The following RBMS3 variants were observed in gnomAD, a reference collection of about 807,000 sequenced individuals.
The protein encoded by RBMS3 is RNA binding motif single stranded interacting protein 3.
In RBMS3, 27 loss-of-function variants were observed where a neutral mutation model predicts 66.8. The observed-to-expected ratio is 0.40, with a 90% CI of 0.30 to 0.56. RBMS3 has a LOEUF of 0.56. RBMS3 is among the 20% of genes least tolerant of loss of function. The pLI, the probability that RBMS3 is intolerant of heterozygous loss-of-function variation, is 0.40. For synonymous variants in RBMS3, 188 were observed against 183.0 expected (o/e 1.03, Z -0.22); for missense variants, 513 against 549.5 (o/e 0.93, Z 0.66).
chr3:29,869,619 A>G (rs1176542355), intron 7 of RBMS3, among the ~76,000 whole-genome samples: 2 of 152,160 alleles, frequency 1.3e-5, no homozygotes, highest in African/African-American at 4.8e-5. Context: ...ACAAACTGGT[A>G]AAAAAGCCAG....
intron 12 of RBMS3, among the ~76,000 whole-genome samples, chr3:29,986,175 A>G (rs1252136396): frequency 6.6e-6 from 1 of 152,142 alleles, no homozygotes; most frequent in Non-Finnish European, 1.5e-5. Context: ...ACCAAAGGGC[A>G]GAACATGAGC....
chr3:29,437,603 T>C (rs2041448504), intron 2 of RBMS3, among the ~76,000 whole-genome samples: 1 of 152,196 alleles, frequency 6.6e-6, no homozygotes, highest in South Asian at 2.1e-4. Flanking sequence ...TGGGATTTAT[T>C]GCTTAGATTA....
At chr3:29,428,272 C>T (rs2041040202) in intron 1 of RBMS3, among the ~76,000 whole-genome samples, 1 of 151,738 alleles carries the variant, frequency 6.6e-6, no homozygotes, top group Admixed American at 6.6e-5. Context: ...GTTGTCACAA[C>T]TTTGGGAGAG....
At chr3:29,559,748 T>A (rs574863773) in intron 3 of RBMS3, among the ~76,000 whole-genome samples, 3 of 152,200 alleles carry the variant, frequency 2.0e-5, no homozygotes, top group African/African-American at 7.2e-5. Flanking sequence ...AATGAATGAA[T>A]GAATGAAATC....
chr3:29,912,226 T>G (rs1455612964), intron 10 of RBMS3, among the ~76,000 whole-genome samples: 1 of 152,104 alleles, frequency 6.6e-6, no homozygotes, highest in Non-Finnish European at 1.5e-5. Context: ...TCCCGTTCTA[T>G]TTTGTTCTAA....
chr3:29,808,389 C>T (rs932927183), intron 6 of RBMS3, among the ~76,000 whole-genome samples: 4 of 151,954 alleles, frequency 2.6e-5, no homozygotes, highest in African/African-American at 9.7e-5. Flanking sequence ...TTGTGAACCA[C>T]ACAATGGAAT....
intron 1 of RBMS3, among the ~76,000 whole-genome samples, chr3:29,299,218 CAT>C (rs2033499986): frequency 6.6e-6 from 1 of 151,770 alleles, no homozygotes; most frequent in Admixed American, 6.6e-5. Flanking sequence ...AAAGTAGAAA[CAT>C]AATACAGGCA....
chr3:29,953,044 A>AC (rs1267713906), intron 12 of RBMS3, among the ~76,000 whole-genome samples: 1 of 151,938 alleles, frequency 6.6e-6, no homozygotes, highest in African/African-American at 2.4e-5. Flanking sequence ...GCTTGCTGAA[A>AC]CAAGGGAAAA....
chr3:29,381,555 T>C (rs1009274007), intron 1 of RBMS3, among the ~76,000 whole-genome samples: 2 of 152,196 alleles, frequency 1.3e-5, no homozygotes, highest in Non-Finnish European at 2.9e-5. Context: ...AATGGCACAA[T>C]TATCCTCAAG....
intron 10 of RBMS3, among the ~76,000 whole-genome samples, chr3:29,902,870 T>C (rs1168616465): frequency 6.6e-6 from 1 of 151,912 alleles, no homozygotes; most frequent in Non-Finnish European, 1.5e-5. Flanking sequence ...TGTCTCAATC[T>C]GGTTTGTATC....
chr3:29,857,233 G>A (rs1013782928), intron 6 of RBMS3, among the ~76,000 whole-genome samples: 1 of 152,202 alleles, frequency 6.6e-6, no homozygotes, highest in Non-Finnish European at 1.5e-5. Flanking sequence ...AGGAAATTGA[G>A]ATGTGTTTTC....
intron 2 of RBMS3, among the ~76,000 whole-genome samples, chr3:29,468,216 GAA>G (rs2042604957): frequency 6.6e-6 from 1 of 152,146 alleles, no homozygotes; most frequent in Admixed American, 6.5e-5. Context: ...TCTACATGCT[GAA>G]ATTGTTGATG....
intron 4 of RBMS3, among the ~76,000 whole-genome samples, chr3:29,635,451 C>A (rs532087816): frequency 2.0e-5 from 3 of 151,828 alleles, no homozygotes; most frequent in Non-Finnish European, 2.9e-5. Flanking sequence ...TGTGTTCATA[C>A]CTTCAAAATA....
At chr3:29,859,992 T>C (rs562411336) in intron 6 of RBMS3, among the ~76,000 whole-genome samples, 1 of 152,340 alleles carries the variant, frequency 6.6e-6, no homozygotes, top group East Asian at 1.9e-4. Context: ...CAAAACCTTT[T>C]GCAAACATTT....
chr3:29,866,821 T>G (rs1171843739), intron 6 of RBMS3, among the ~76,000 whole-genome samples: 1 of 152,162 alleles, frequency 6.6e-6, no homozygotes, highest in Non-Finnish European at 1.5e-5. Context: ...CTTGTGTGAT[T>G]TTCCTGGCTT....
chr3:29,531,342 C>G (rs1178271737), intron 3 of RBMS3, among the ~76,000 whole-genome samples: 1 of 152,204 alleles, frequency 6.6e-6, no homozygotes, highest in Non-Finnish European at 1.5e-5. Context: ...CCGTTGTAGT[C>G]AAATGCTGTG....
intron 10 of RBMS3, among the ~76,000 whole-genome samples, chr3:29,899,986 G>T (rs1054223669): frequency 6.6e-6 from 1 of 150,568 alleles, no homozygotes; most frequent in Admixed American, 6.6e-5. Flanking sequence ...AAAAGCAAGA[G>T]AGTGAGAGAG....
At chr3:29,846,893 G>C (rs2058794814) in intron 6 of RBMS3, among the ~76,000 whole-genome samples, 1 of 152,022 alleles carries the variant, frequency 6.6e-6, no homozygotes, top group Non-Finnish European at 1.5e-5. Context: ...ACTATGTTGT[G>C]GGTTTTTTTC....
chr3:29,701,687 C>T (rs114220032), intron 4 of RBMS3, among the ~76,000 whole-genome samples: 1,987 of 152,250 alleles, frequency 0.013, 35 homozygotes, highest in African/African-American at 0.041. Flanking sequence ...GCCGGCGCCA[C>T]CGGCCTTGGG....
Sources: allele counts gnomAD v4.1 joint callset (sites outside exome capture counted in the v4.1 genomes callset), GRCh38; gene constraint gnomAD v4.1.1; transcripts MANE v1.5; gene names NCBI Gene and HGNC (gene_info 2026-07-23, HGNC 2026-07-21).